ADGRG4: variants seen among roughly 807,000 people sequenced by gnomAD.
ADGRG4 encodes the protein G protein-coupled receptor 112.
A neutral mutation model predicts 126.2 loss-of-function variants in ADGRG4; 122 were observed. The ratio of observed to expected loss-of-function variants is 0.97; its 90% confidence interval spans 0.83 to 1.12. ADGRG4 has a LOEUF of 1.12. Ranked by LOEUF, ADGRG4 falls within the 50% of genes most tolerant of loss-of-function variation. ADGRG4 has a pLI of 0.00. For missense variants in ADGRG4, 2,481 were observed against 2,251.8 expected (o/e 1.10, Z -2.06); for synonymous variants, 943 against 838.7 (o/e 1.12, Z -2.15).
intron 15 of ADGRG4, among the ~76,000 whole-genome samples, chrX:136,381,713 CAT>C (rs1484399046): frequency 3.6e-5 from 4 of 110,408 alleles, no homozygotes; most frequent in African/African-American, 1.3e-4. Flanking sequence ...CACACACACA[CAT>C]ATATATGAGA....
Position 136,346,037 on chromosome X carries a change from A to G in ADGRG4, c.2331A>G (p.Thr777=). 3 of 1,203,537 alleles carry G rather than the reference A, an allele frequency of 2.5e-6. No homozygotes were observed. Among genetic ancestry groups the G allele is most frequent in the Non-Finnish European group, 3.4e-6 (3 of 889,204 alleles). The change falls in exon 6 of 26, where the codon ACA becomes ACG. Residue 777 remains threonine (T), a synonymous_variant. Coordinates refer to ENST00000394143, the MANE Select transcript of ADGRG4 (RefSeq NM_153834.4). ...STKPANELPL[T]PRETVVPSVD... ...AACCTGCAAATGAACTTCCTTTGAC[A>G]CCAAGGGAGACTGTTGTTCCATCAG...
chrX:136,347,614 A>T lies in ADGRG4; in HGVS notation c.3908A>T (p.Glu1303Val). 1 of 1,209,129 alleles carries T rather than the reference A, an allele frequency of 8.3e-7. No homozygotes were observed. The highest frequency in any genetic ancestry group is 1.1e-6 in the Non-Finnish European group (1 of 893,793). Residue 1303 changes from glutamate to valine, a missense_variant, in exon 6 of 26, where the codon GAG (glutamate) becomes GTG (valine). Physicochemically the swap from Glu to Val is moderately radical, Grantham distance 121. Coordinates refer to ENST00000394143, the MANE Select transcript of ADGRG4 (RefSeq NM_153834.4). ...SLEMTDTGFP[E>V]TTKISSHQTH... ...GAAATGACAGATACAGGATTTCCTG[A>T]GACCACAAAAATTTCCAGTCACCAA... is the stretch of plus-strand genomic sequence containing the variant.
rs367965276 is a variant in ADGRG4 at position 136,397,928 on chromosome X, G to A, written c.8232G>A (p.Ala2744=). The stretch of plus-strand genomic sequence containing the variant: ...ATTCAGTGAATGAACAGATATTAGC[G>A]CTTATAACATACACCGGATGTGGAA... ...TVDSVNEQIL[A]LITYTGCGIS... The change falls in exon 20 of 26, where the codon GCG becomes GCA. Residue 2744 remains alanine (A), a synonymous_variant. Transcript: ENST00000394143. The A allele has an allele frequency of 5.9e-5, 71 of 1,194,810 alleles. No homozygotes were observed. The highest frequency in any genetic ancestry group is 5.9e-4 in the South Asian group (33 of 56,358).
chrX:136,393,296 C>A (rs780265247), intron 17 of ADGRG4, among the ~76,000 whole-genome samples: 3 of 111,819 alleles, frequency 2.7e-5, no homozygotes. Flanking sequence ...AAGGACATAT[C>A]AGATCACCAG....
rs765127184 is a variant in ADGRG4, at chrX:136,368,521, C to A, written c.7397-2807C>A. Among the ~76,000 whole-genome samples the A allele has an allele frequency of 4.5e-5, 5 of 111,900 alleles. No individual in the cohort carries two copies. In the East Asian group the frequency reaches 1.4e-3, roughly 31 times the overall value. On this transcript the variant is annotated intron_variant, in intron 13 of 25. Transcript: ENST00000394143. ...TGAGATGCTTCCTCAGAGCCAGACA[C>A]CATGCTGTAAGAAGCCCAAACAGTG...
intron 20 of ADGRG4, among the ~76,000 whole-genome samples, chrX:136,399,632 C>T (rs1291526434): frequency 2.7e-5 from 3 of 109,768 alleles, no homozygotes; most frequent in African/African-American, 9.9e-5. Flanking sequence ...CTCTCAACTG[C>T]GTAGTTGAGA....
At chrX:136,342,013 G>T (rs2074981884) in intron 5 of ADGRG4, among the ~76,000 whole-genome samples, 1 of 111,765 alleles carries the variant, frequency 8.9e-6, no homozygotes, top group Non-Finnish European at 1.9e-5. Flanking sequence ...TCATGACTCA[G>T]TCTTGAATTT....
chrX:136,396,616 G>GAGAGAGAGA (rs1187722563), intron 19 of ADGRG4, among the ~76,000 whole-genome samples: 1 of 103,527 alleles, frequency 9.7e-6, no homozygotes, highest in Non-Finnish European at 2.0e-5. Context: ...AAAAAAGAGA[G>GAGAGAGAGA]AGAGAGAGAG....
chrX:136,358,171 C>G (rs915802036), intron 10 of ADGRG4, among the ~76,000 whole-genome samples: 2 of 111,097 alleles, frequency 1.8e-5, no homozygotes, highest in African/African-American at 6.5e-5. Flanking sequence ...CGACGCACAT[C>G]AGGAAGAACA....
chrX:136,374,679 C>G (rs1475040650), intron 15 of ADGRG4, among the ~76,000 whole-genome samples: 3 of 111,619 alleles, frequency 2.7e-5, no homozygotes, highest in Non-Finnish European at 5.6e-5. Flanking sequence ...ATCCACCCAC[C>G]TCGGCCTTCC....
Position 136,362,853 on chromosome X carries a change from C to T in ADGRG4, c.7278-624C>T, listed in dbSNP as rs753751676. ...TTCATCTTATATTTGCCCTAAGTTT[C>T]GAGTAGTTACACTTAGAATTTTAAA... On this transcript the variant is annotated intron_variant, in intron 12 of 25. Coordinates refer to ENST00000394143, the MANE Select transcript of ADGRG4 (RefSeq NM_153834.4). 7.2e-5 allele frequency among the ~76,000 whole-genome samples: 8 copies of T among 111,442 alleles called. No individual in the cohort carries two copies. In the East Asian group the frequency reaches 1.1e-3, roughly 16 times the overall value.
Position 136,349,670 on chromosome X carries a change from C to G in ADGRG4, c.5964C>G (p.Leu1988=). Residue 1988 remains leucine (L), a synonymous_variant, in exon 6 of 26, where the codon CTC becomes CTG. Transcript: ENST00000394143. ...CATCTGTAACTCCTGGGACCACACT[C>G]CCATCAATTCTTTCTGGTGCCACTT... ...MTTSVTPGTT[L]PSILSGATSG... 1 of 1,210,716 alleles carries G rather than the reference C, an allele frequency of 8.3e-7. No individual in the cohort carries two copies. The highest frequency in any genetic ancestry group is 1.1e-6 in the Non-Finnish European group (1 of 894,945).
At chrX:136,372,833 A>G in intron 14 of ADGRG4, 69 bp from the exon 15 acceptor site, 3 of 1,010,439 alleles carry the variant, frequency 3.0e-6, no homozygotes, top group South Asian at 1.9e-5. Flanking sequence ...CAATAAGGAA[A>G]TCTTGCAAGG....
chrX:136,387,816 C>G lies in ADGRG4; in HGVS notation c.7853C>G (p.Pro2618Arg). 8.3e-7 allele frequency: 1 copy of G among 1,205,994 alleles called. No individual in the cohort carries two copies. The highest frequency in any genetic ancestry group is 1.1e-6 in the Non-Finnish European group (1 of 890,644). The change falls in exon 16 of 26, where the codon CCT becomes CGT. Residue 2618 changes from proline (P) to arginine (R), a missense_variant. Physicochemically the swap from Pro to Arg is moderately radical, Grantham distance 103. Transcript: ENST00000394143. ...YLPKSLTERI[P>R]LSNLQTILFN... Reference sequence around the variant, plus strand: ...CCTAAATCACTGACGGAGAGAATTCCTCTTAGCAACTTACAAACGATCTTG... The same window carrying G: ...CCTAAATCACTGACGGAGAGAATTCGTCTTAGCAACTTACAAACGATCTTG...
At chrX:136,381,601 TC>T (rs1219004688) in intron 15 of ADGRG4, among the ~76,000 whole-genome samples, 1 of 111,360 alleles carries the variant, frequency 9.0e-6, no homozygotes, top group Admixed American at 9.6e-5. Flanking sequence ...ATAATTTCAA[TC>T]CATTTACATT....
rs759122332 is a variant in ADGRG4 at position 136,347,539 on chromosome X, C to G, written c.3833C>G (p.Ser1278Cys). ...TPRTMEVTEM[S>C]PSKNSFISYS... ...AGAACTATGGAGGTGACAGAAATGT[C>G]CCCATCAAAGAATTCTTTTATTTCA... The change falls in exon 6 of 26, where the codon TCC becomes TGC. Residue 1278 changes from serine to cysteine, a missense_variant. By Grantham distance (112) the Ser-to-Cys change is moderately radical. Coordinates refer to ENST00000394143, the MANE Select transcript of ADGRG4 (RefSeq NM_153834.4). 1.6e-5 allele frequency: 19 copies of G among 1,208,715 alleles called. No homozygotes were observed. The highest frequency in any genetic ancestry group is 5.6e-6 in the Non-Finnish European group (5 of 893,282).
chrX:136,308,827 C>T lies in ADGRG4; in HGVS notation c.50C>T (p.Ser17Leu), dbSNP rs374858229. The part of the protein sequence containing the change: ...YQKLYGLILM[S>L]SFIFLSDTLS... Reference sequence around the variant, plus strand: ...AAGCTTTATGGATTGATTCTCATGTCGAGTTTTATCTTTCTCTCAGGTAAG... The same window carrying T: ...AAGCTTTATGGATTGATTCTCATGTTGAGTTTTATCTTTCTCTCAGGTAAG... The change falls in exon 4 of 26, where the codon TCG (serine) becomes TTG (leucine). Residue 17 changes from serine to leucine, a missense_variant. Physicochemically the swap from Ser to Leu is moderately radical, Grantham distance 145. Coordinates refer to ENST00000394143, the MANE Select transcript of ADGRG4 (RefSeq NM_153834.4). 20 of 1,125,429 alleles carry T rather than the reference C, an allele frequency of 1.8e-5. No homozygotes were observed. Among genetic ancestry groups the T allele is most frequent in the Non-Finnish European group, 2.4e-5 (20 of 817,781 alleles). 92.7% of individuals were successfully genotyped at this position (1,125,429 alleles called of 1,213,427 possible). A position where few individuals can be genotyped will look rare whatever the true frequency, so the allele number is the denominator to read the frequency against.
At chrX:136,380,378 G>T (rs2075252190) in intron 15 of ADGRG4, among the ~76,000 whole-genome samples, 1 of 110,605 alleles carries the variant, frequency 9.0e-6, no homozygotes, top group East Asian at 2.8e-4. Context: ...TTTCCATTTT[G>T]TTGATCCTTT....
chrX:136,385,538 T>C (rs2075288653), intron 15 of ADGRG4, among the ~76,000 whole-genome samples: 1 of 112,226 alleles, frequency 8.9e-6, no homozygotes, highest in Non-Finnish European at 1.9e-5. Flanking sequence ...TACCTCAGCA[T>C]AGTTATACTA....
Sources: gnomAD v4.1 joint callset for allele counts (sites outside exome capture counted in the v4.1 genomes callset) on GRCh38, gnomAD v4.1.1 for gene constraint, MANE v1.5 for transcripts, NCBI Gene and HGNC (gene_info 2026-07-23, HGNC 2026-07-21) for gene names.